The following RBFOX1 variants were observed in gnomAD, a reference collection of about 807,000 sequenced individuals.
RBFOX1 encodes RNA binding protein fox-1 homolog 1.
In RBFOX1, 8 loss-of-function variants were observed where a neutral mutation model predicts 57.7. That is an observed-to-expected ratio of 0.14 (90% confidence interval 0.08 to 0.25). RBFOX1 has a LOEUF of 0.25. Ranked by LOEUF, RBFOX1 falls within the 10% of genes least tolerant of loss-of-function variation. RBFOX1 has a pLI of 1.00. For missense variants in RBFOX1, 611 were observed against 548.5 expected, an observed-to-expected ratio of 1.11 and a Z score of -1.14; for synonymous variants, 326 against 222.4, an observed-to-expected ratio of 1.47 and a Z score of -4.15.
At position 6,174,767 on chromosome 16, in the gene RBFOX1, G is replaced by A. The variant is rs189226789; in HGVS notation, c.-126-142228G>A. ...CTGGATGGTGAACTTCAGTGCATAT[G>A]CTAGGATTTGTGCTCCTTTTGCATC... On this transcript the variant is annotated intron_variant, in intron 1 of 15. Transcript: ENST00000550418. Among the ~76,000 whole-genome samples the A allele has an allele frequency of 6.8e-4, 104 of 152,282 alleles. 1 individual carries two copies. The highest frequency in any genetic ancestry group is 5.0e-3 in the Admixed American group (76 of 15,294).
At chr16:5,962,818 GTTTT>G (rs55961605) in intron 4 of RBFOX1, among the ~76,000 whole-genome samples, 8 of 135,378 alleles carry the variant, frequency 5.9e-5, no homozygotes, top group African/African-American at 1.9e-4. Context: ...TGAGGGTTTG[GTTTT>G]TTTTTTTTTT....
intron 2 of RBFOX1, among the ~76,000 whole-genome samples, chr16:6,498,226 T>C (rs2095825370): frequency 7.2e-6 from 1 of 139,832 alleles, no homozygotes; most frequent in African/African-American, 2.7e-5. Flanking sequence ...CGCTCAAGCC[T>C]GGGTGACAGA....
rs750285832 is a variant in RBFOX1, at chr16:6,892,775, CCTCTCTCTCTCTCTCTCTCTCT to C, written c.-15-159251_-15-159230del. Among the ~76,000 whole-genome samples the C allele has an allele frequency of 2.2e-3, 185 of 84,612 alleles. 1 individual carries two copies. Among genetic ancestry groups the C allele is most frequent in the Admixed American group, 3.3e-3 (30 of 9,136 alleles). The allele number at this position is 84,612 out of a possible 152,430, so 55.5% of individuals were successfully genotyped here. On this transcript the variant is annotated intron_variant, in intron 3 of 15. Transcript: ENST00000550418. ...CATATTCTCAAAGCCTCCCTGTCTC[CCTCTCTCTCTCTCTCTCTCTCT>C]CTCTCTCTCTCTCTCTCTCTCTCTC...
chr16:6,849,630 C>G (rs181750123), intron 3 of RBFOX1, among the ~76,000 whole-genome samples: 32 of 152,302 alleles, frequency 2.1e-4, no homozygotes, highest in African/African-American at 7.2e-4. Flanking sequence ...GATTGTACCA[C>G]TGTACTGCAG....
intron 2 of RBFOX1, among the ~76,000 whole-genome samples, chr16:5,550,263 A>G (rs904399280): frequency 9.9e-5 from 15 of 152,144 alleles, no homozygotes; most frequent in African/African-American, 3.4e-4. Context: ...AGAGCACCCA[A>G]TCGTGGCACC....
chr16:5,259,711 G>A (rs376591544), intron 1 of RBFOX1, among the ~76,000 whole-genome samples: 1 of 152,204 alleles, frequency 6.6e-6, no homozygotes, highest in Non-Finnish European at 1.5e-5. Flanking sequence ...TCTAGTGGAA[G>A]CCAGTGCAGC....
chr16:6,060,097 A>T (rs2095663652), intron 1 of RBFOX1, among the ~76,000 whole-genome samples: 2 of 135,236 alleles, frequency 1.5e-5, no homozygotes, highest in South Asian at 4.8e-4. Context: ...AACTGGCATC[A>T]TTTGGCCCTA....
chr16:7,157,648 G>T (rs1447590387), intron 4 of RBFOX1, among the ~76,000 whole-genome samples: 1 of 152,070 alleles, frequency 6.6e-6, no homozygotes, highest in Non-Finnish European at 1.5e-5. Flanking sequence ...CTGGATTAAG[G>T]TGGTGGAAAT....
chr16:7,195,784 C>G (rs1238895359), intron 4 of RBFOX1, among the ~76,000 whole-genome samples: 1 of 152,156 alleles, frequency 6.6e-6, no homozygotes. Flanking sequence ...AACTCCTGAC[C>G]TCAGGTAATC....
intron 2 of RBFOX1, among the ~76,000 whole-genome samples, chr16:5,504,296 C>T (rs990706305): frequency 1.3e-4 from 20 of 152,218 alleles, no homozygotes; most frequent in Admixed American, 1.2e-3. Flanking sequence ...CAACAGCTGC[C>T]AACTTTGAGG....
intron 4 of RBFOX1, among the ~76,000 whole-genome samples, chr16:7,221,189 A>AT (rs1343503713): frequency 1.3e-5 from 2 of 152,188 alleles, no homozygotes; most frequent in East Asian, 3.9e-4. Flanking sequence ...TGTGAATTAA[A>AT]ACAGCTGCCT....
chr16:7,114,100 T>G (rs2065361646), intron 4 of RBFOX1, among the ~76,000 whole-genome samples: 1 of 152,160 alleles, frequency 6.6e-6, no homozygotes, highest in South Asian at 2.1e-4. Context: ...CTTGGGCTAT[T>G]TTAAGAAAAA....
At chr16:5,767,001 T>A (rs2053804677) in intron 3 of RBFOX1, among the ~76,000 whole-genome samples, 1 of 152,232 alleles carries the variant, frequency 6.6e-6, no homozygotes, top group Admixed American at 6.5e-5. Context: ...CTGTATCTGT[T>A]AGTTTGCTTC....
chr16:6,254,982 T>C (rs1348456062), intron 1 of RBFOX1, among the ~76,000 whole-genome samples: 1 of 152,060 alleles, frequency 6.6e-6, no homozygotes, highest in African/African-American at 2.4e-5. Flanking sequence ...GGTTTTGGCC[T>C]TTTTTCAGTC....
chr16:5,979,266 C>A (rs763433646), intron 4 of RBFOX1, among the ~76,000 whole-genome samples: 1 of 152,082 alleles, frequency 6.6e-6, no homozygotes, highest in African/African-American at 2.4e-5. Flanking sequence ...ATCTGATGAG[C>A]GTGAGAGGTA....
chr16:6,969,176 C>T (rs368380963), intron 3 of RBFOX1, among the ~76,000 whole-genome samples: 1 of 152,146 alleles, frequency 6.6e-6, no homozygotes, highest in Non-Finnish European at 1.5e-5. Flanking sequence ...GGTAACTTAA[C>T]TTCTCTTAAC....
chr16:6,522,364 C>A (rs76340696), intron 2 of RBFOX1, among the ~76,000 whole-genome samples: 1 of 152,010 alleles, frequency 6.6e-6, no homozygotes, highest in Admixed American at 6.6e-5. Context: ...ACCACTTTCC[C>A]CTGTTGGATT....
intron 4 of RBFOX1, among the ~76,000 whole-genome samples, chr16:7,164,354 C>G (rs929767905): frequency 3.9e-5 from 6 of 152,192 alleles, no homozygotes; most frequent in East Asian, 1.9e-4. Flanking sequence ...TTTTCTTGAT[C>G]CACTCATTGG....
chr16:7,223,653 T>G (rs1027756153), intron 4 of RBFOX1, among the ~76,000 whole-genome samples: 3 of 151,334 alleles, frequency 2.0e-5, no homozygotes, highest in African/African-American at 7.3e-5. Context: ...CAGTGTCTTA[T>G]GTTTCAGAAC....
Sources: allele counts gnomAD v4.1 joint callset (sites outside exome capture counted in the v4.1 genomes callset), GRCh38; gene constraint gnomAD v4.1.1; transcripts MANE v1.5; gene names NCBI Gene and HGNC (gene_info 2026-07-23, HGNC 2026-07-21).